Variants in IL17F observed in about 807,000 individuals in gnomAD.
IL17F encodes the protein interleukin 17F.
IL17F carries 6 observed loss-of-function variants against 8.3 expected under a neutral mutation model. The ratio of observed to expected loss-of-function variants is 0.73; its 90% CI spans 0.40 to 1.43. The LOEUF (loss-of-function observed/expected upper bound fraction) is 1.43. Ranked by LOEUF, IL17F falls within the 40% of genes most tolerant of loss-of-function variation. The probability of loss-of-function intolerance (pLI) is 0.02; values close to 1 mark genes in which losing one functional copy is unlikely to be tolerated. For synonymous variants in IL17F, 98 were observed against 81.6 expected (o/e 1.20, Z -1.08); for missense variants, 204 against 209.6 (o/e 0.97, Z 0.17).
rs1377247662 is a variant in IL17F, at chr6:52,237,116, T to C, written c.307A>G (p.Arg103Gly). 6.2e-7 allele frequency: 1 copy of C among 1,614,082 alleles called. No homozygotes were observed. Among genetic ancestry groups the C allele is most frequent in the Non-Finnish European group, 8.5e-7 (1 of 1,180,024 alleles). The change falls in exon 3 of 3, where the codon AGG (arginine) becomes GGG (glycine). Residue 103 changes from arginine (R) to glycine (G), a missense_variant. Physicochemically the swap from Arg to Gly is moderately radical, Grantham distance 125 (BLOSUM62 -2). Coordinates refer to ENST00000336123, the MANE Select transcript of IL17F (RefSeq NM_052872.4). ...YPSEVVQAQCRNLGCINAQGK... is the reference protein window; with the variant it reads ...YPSEVVQAQCGNLGCINAQGK... ...TGAGCATTGATGCAGCCCAAGTTCC[T>C]ACACTGGGCCTGTACAACTTCCGAG...
rs765796484 is a variant in IL17F at position 52,238,875 on chromosome 6, C to T, written c.109G>A (p.Gly37Arg). 5 of 1,614,010 alleles carry T rather than the reference C, an allele frequency of 3.1e-6. No homozygotes were observed. The highest frequency in any genetic ancestry group is 2.2e-5 in the South Asian group (2 of 91,068). ...TCAGGCTTTTGGAAAAAAGTATGTC[C>T]TACTTTGGGGATTTTCCGAGCTGCC... ...EAAARKIPKV[G>R]HTFFQKPESC... Residue 37 changes from glycine to arginine, a missense_variant, in exon 2 of 3, where the codon GGA becomes AGA. Coordinates refer to ENST00000336123, the MANE Select transcript of IL17F (RefSeq NM_052872.4).
upstream of IL17F, among the ~76,000 whole-genome samples, chr6:52,245,657 AG>A (rs1206077713): frequency 7.2e-5 from 11 of 152,326 alleles, no homozygotes; most frequent in African/African-American, 2.6e-4. Context: ...AGCGGTCCAA[AG>A]GCTCTTTGTA....
At position 52,238,732 on chromosome 6, in the gene IL17F, G is replaced by A; in HGVS notation, c.252C>T (p.Tyr84=). The A allele has an allele frequency of 6.2e-7, 1 of 1,612,960 alleles. No individual in the cohort carries two copies. Among genetic ancestry groups the A allele is most frequent in the Non-Finnish European group, 8.5e-7 (1 of 1,178,928 alleles). ...IESRSTSPWN[Y]TVTWDPNRYP... is the part of the protein sequence containing the mutation. Reference sequence around the variant, plus strand: ...AAATCAGTCTCATTTGCACTTACGTGTAATTCCAGGGGGAGGTGGAGCGGC... The same window carrying A: ...AAATCAGTCTCATTTGCACTTACGTATAATTCCAGGGGGAGGTGGAGCGGC... Residue 84 remains tyrosine, a splice_region_variant and synonymous_variant, in exon 2 of 3, where the codon TAC becomes TAT. Transcript: ENST00000336123.
chr6:52,238,753 G>A lies in IL17F; in HGVS notation c.231C>T (p.Arg77=). Residue 77 remains arginine (R), a synonymous_variant, in exon 2 of 3, where the codon CGC becomes CGT. Transcript: ENST00000336123. ...RVSMSRNIES[R]STSPWNYTVT... ...ACGTGTAATTCCAGGGGGAGGTGGA[G>A]CGGCTCTCGATGTTACGTGACATGG... is the stretch of plus-strand genomic sequence containing the variant. The A allele has an allele frequency of 7.4e-6, 12 of 1,614,140 alleles. No homozygotes were observed. Among genetic ancestry groups the A allele is most frequent in the Non-Finnish European group, 8.5e-6 (10 of 1,179,984 alleles).
chr6:52,237,864 A>G (rs1763995366), intron 2 of IL17F, among the ~76,000 whole-genome samples: 1 of 152,104 alleles, frequency 6.6e-6, no homozygotes, highest in Admixed American at 6.5e-5. Flanking sequence ...CATCTCAGAG[A>G]GTATCTGAGA....
At chr6:52,239,972 G>A (rs1764041799) in intron 1 of IL17F, among the ~76,000 whole-genome samples, 1 of 152,082 alleles carries the variant, frequency 6.6e-6, no homozygotes, top group African/African-American at 2.4e-5. Flanking sequence ...AGTTTATCTG[G>A]TGTTATAGGA....
upstream of IL17F, chr6:52,244,566 G>A (rs938336053): frequency 1.2e-5 from 10 of 832,084 alleles, no homozygotes; most frequent in Non-Finnish European, 2.0e-5. Context: ...CCTGCTTACT[G>A]TCTTTAAGTT....
intron 1 of IL17F, among the ~76,000 whole-genome samples, chr6:52,242,884 C>T (rs1764097418): frequency 6.6e-6 from 1 of 152,154 alleles, no homozygotes; most frequent in African/African-American, 2.4e-5. Context: ...ATTAAGCATA[C>T]ACAAATCTGC....
intron 1 of IL17F, among the ~76,000 whole-genome samples, chr6:52,241,064 GCGTT>G (rs1376239578): frequency 2.7e-5 from 3 of 109,450 alleles, no homozygotes; most frequent in Non-Finnish European, 6.0e-5. Flanking sequence ...AACTGCTATG[GCGTT>G]TGTTTGTTTG....
In IL17F at chr6:52,238,903, C is replaced by T. The variant is rs1394768075; in HGVS notation, c.81G>A (p.Glu27=). 8 of 1,613,868 alleles carry T rather than the reference C, an allele frequency of 5.0e-6. No homozygotes were observed. The highest frequency in any genetic ancestry group is 5.9e-6 in the Non-Finnish European group (7 of 1,179,908). Residue 27 remains glutamate, a synonymous_variant, in exon 2 of 3, where the codon GAG becomes GAA. Transcript: ENST00000336123. ...LSILGLAFLS[E]AAARKIPKVG... ...CTTTGGGGATTTTCCGAGCTGCCGC[C>T]TCACTCAGAAAGGCAAGCCCCAATA...
rs997801674 is a variant in IL17F at position 52,236,891 on chromosome 6, G to T, written c.*40C>A. The T allele has an allele frequency of 7.3e-6, 11 of 1,510,124 alleles. No homozygotes were observed. The highest frequency in any genetic ancestry group is 1.0e-5 in the Non-Finnish European group (11 of 1,085,406). The allele number at this position is 1,510,124 out of a possible 1,614,324, so 93.5% of individuals were successfully genotyped here. A position where few individuals can be genotyped will look rare whatever the true frequency, so the allele number is the denominator to read the frequency against. On this transcript the variant is annotated 3_prime_UTR_variant, in exon 3 of 3. Coordinates refer to ENST00000336123, the MANE Select transcript of IL17F (RefSeq NM_052872.4). The stretch of plus-strand genomic sequence containing the variant: ...GTTGCAGAGCACTGGGTAAGGAGTG[G>T]CATTTCTACAGCTTCTTCAGCTGAG...
chr6:52,243,089 C>T (rs980920850), intron 1 of IL17F, among the ~76,000 whole-genome samples: 2 of 152,108 alleles, frequency 1.3e-5, no homozygotes, highest in African/African-American at 2.4e-5. Flanking sequence ...AAGCCTATGC[C>T]CCTAAATATG....
At chr6:52,240,373 G>T (rs979881485) in intron 1 of IL17F, among the ~76,000 whole-genome samples, 1 of 148,864 alleles carries the variant, frequency 6.7e-6, no homozygotes, top group African/African-American at 2.5e-5. Context: ...GGAGGTGGAG[G>T]TTGCAGTGAG....
In IL17F at chr6:52,238,934, A is replaced by C. The variant is rs746999872; in HGVS notation, c.50T>G (p.Leu17Arg). The C allele has an allele frequency of 6.2e-7, 1 of 1,613,338 alleles. No individual in the cohort carries two copies. The highest frequency in any genetic ancestry group is 2.2e-5 in the East Asian group (1 of 44,888). ...HGPAMVKYLL[L>R]SILGLAFLSE... ...CAGAAAGGCAAGCCCCAATATCGAC[A>C]GCAGCAAGTACTTGACCTGGAAAAT... Residue 17 changes from leucine (L) to arginine (R), a missense_variant, in exon 2 of 3, where the codon CTG (leucine) becomes CGG (arginine). By Grantham distance (102) the Leu-to-Arg change is moderately radical (BLOSUM62 -2). Coordinates refer to ENST00000336123, the MANE Select transcript of IL17F (RefSeq NM_052872.4).
At position 52,237,149 on chromosome 6, in the gene IL17F, G is replaced by T. The variant is rs142962486; in HGVS notation, c.274C>A (p.Arg92=). ...GCCTGTACAACTTCCGAGGGGTACC[G>T]GTTGGGGTCCCAAGTGACACTGCAG... The part of the protein sequence containing the change: ...WNYTVTWDPN[R]YPSEVVQAQC... Residue 92 remains arginine, a synonymous_variant, in exon 3 of 3, where the codon CGG becomes AGG. Transcript: ENST00000336123. 6.2e-7 allele frequency: 1 copy of T among 1,613,880 alleles called. No homozygotes were observed. The highest frequency in any genetic ancestry group is 8.5e-7 in the Non-Finnish European group (1 of 1,179,910).
intron 1 of IL17F, among the ~76,000 whole-genome samples, chr6:52,241,181 C>T (rs1357674974): frequency 3.9e-5 from 6 of 152,040 alleles, no homozygotes; most frequent in Non-Finnish European, 8.8e-5. Flanking sequence ...CAGGTTCAAG[C>T]GATTCTCCTG....
intron 1 of IL17F, among the ~76,000 whole-genome samples, chr6:52,243,510 C>A (rs1764106310): frequency 6.6e-6 from 1 of 152,202 alleles, no homozygotes; most frequent in South Asian, 2.1e-4. Context: ...CCATCCAGGG[C>A]ACTCCTGTAA....
intron 1 of IL17F, among the ~76,000 whole-genome samples, chr6:52,242,782 A>G (rs1764096129): frequency 6.6e-6 from 1 of 152,242 alleles, no homozygotes; most frequent in South Asian, 2.1e-4. Context: ...CAGGACAATA[A>G]TAACAATATT....
chr6:52,238,502 G>A (rs1485174193), intron 2 of IL17F, among the ~76,000 whole-genome samples: 1 of 152,196 alleles, frequency 6.6e-6, no homozygotes, highest in Non-Finnish European at 1.5e-5. Context: ...GCAGAAAAAG[G>A]CACAAAGTCT....
Sources: allele counts gnomAD v4.1 joint callset (sites outside exome capture counted in the v4.1 genomes callset), GRCh38; gene constraint gnomAD v4.1.1; transcripts MANE v1.5; gene names NCBI Gene and HGNC (gene_info 2026-07-23, HGNC 2026-07-21).